Variants in CCNYL1 observed in about 807,000 individuals in gnomAD.
The protein encoded by CCNYL1 is cyclin Y like 1, also known as cyclin-Y-like protein 1.
A neutral mutation model predicts 44.2 loss-of-function variants in CCNYL1; 16 were observed. That is an observed-to-expected ratio of 0.36 (90% CI 0.25 to 0.55). The LOEUF is 0.55. Ranked by LOEUF, CCNYL1 falls within the 20% of genes least tolerant of loss-of-function variation. The pLI is 0.85. For synonymous variants in CCNYL1, 159 were observed against 163.2 expected (o/e 0.97, Z 0.20); for missense variants, 348 against 451.8 (o/e 0.77, Z 2.08).
chr2:207,721,143 A>T (rs2091637528), intron 1 of CCNYL1, among the ~76,000 whole-genome samples: 2 of 152,190 alleles, frequency 1.3e-5, no homozygotes, highest in Admixed American at 6.5e-5. Flanking sequence ...AGTGTGCAGT[A>T]TGGTAGAGCA....
chr2:207,731,382 G>GT (rs2105828001), intron 3 of CCNYL1, among the ~76,000 whole-genome samples: 1 of 152,236 alleles, frequency 6.6e-6, no homozygotes, highest in Admixed American at 6.5e-5. Flanking sequence ...AGTCTACTCA[G>GT]TACCCCTTCC....
chr2:207,756,151 T>G lies in CCNYL1; in HGVS notation c.*2453T>G, dbSNP rs1006713927. The stretch of plus-strand genomic sequence containing the variant: ...TATTTCTCATGTTTATATTAAAAGC[T>G]AATAAACTCTATTTTAATTAAAATA... On this transcript the variant is annotated 3_prime_UTR_variant, in exon 10 of 10. Transcript: ENST00000295414. The G allele has an allele frequency of 7.9e-5, 12 of 152,242 alleles. No individual in the cohort carries two copies. Among genetic ancestry groups the G allele is most frequent in the Non-Finnish European group, 1.6e-4 (11 of 68,042 alleles). The allele number at this position is 152,242 out of a possible 1,614,324, so 9.4% of individuals were successfully genotyped here. A position where few individuals can be genotyped will look rare whatever the true frequency, so the allele number is the denominator to read the frequency against.
chr2:207,737,270 A>G, intron 4 of CCNYL1, 141 bp from the exon 5 acceptor site: 1 of 654,554 alleles, frequency 1.5e-6, no homozygotes, highest in Non-Finnish European at 2.7e-6. Context: ...ACAAGGGGAA[A>G]GTACCCATAT....
At chr2:207,724,734 A>G (rs1275839142) in intron 1 of CCNYL1, 66 bp from the exon 2 acceptor site, 57 of 1,109,996 alleles carry the variant, frequency 5.1e-5, no homozygotes, top group Non-Finnish European at 7.6e-5. Flanking sequence ...ATGGATGTGT[A>G]TCTATTTCAG....
intron 1 of CCNYL1, among the ~76,000 whole-genome samples, chr2:207,720,818 G>A (rs1279553937): frequency 2.0e-5 from 3 of 152,286 alleles, no homozygotes; most frequent in African/African-American, 7.2e-5. Context: ...GCTCAGTCAC[G>A]ATCACTAAAA....
At chr2:207,729,279 CA>C (rs1559167579) in intron 3 of CCNYL1, among the ~76,000 whole-genome samples, 2 of 111,500 alleles carry the variant, frequency 1.8e-5, no homozygotes, top group African/African-American at 8.6e-5. Context: ...CCACCCCCCC[CA>C]CCCCCCCGCA....
chr2:207,723,797 TCCTGG>T (rs1394845684), intron 1 of CCNYL1, among the ~76,000 whole-genome samples: 1 of 144,784 alleles, frequency 6.9e-6, no homozygotes, highest in East Asian at 2.1e-4. Context: ...ATTGCTTGAA[TCCTGG>T]AGGCAGAGGT....
chr2:207,743,701 CA>C (rs1323919454), intron 7 of CCNYL1, among the ~76,000 whole-genome samples: 1 of 152,142 alleles, frequency 6.6e-6, no homozygotes. Flanking sequence ...AATAAAAGAA[CA>C]GAGATCAAGA....
chr2:207,752,729 G>T (rs1224327234), intron 9 of CCNYL1, among the ~76,000 whole-genome samples: 8 of 151,954 alleles, frequency 5.3e-5, no homozygotes, highest in Non-Finnish European at 7.4e-5. Context: ...GTATTTCTAG[G>T]CTGGGCTCAG....
At position 207,751,139 on chromosome 2, in the gene CCNYL1, A is replaced by G; in HGVS notation, c.969+20A>G. 1 of 1,599,404 alleles carries G rather than the reference A, an allele frequency of 6.3e-7. No homozygotes were observed. The highest frequency in any genetic ancestry group is 8.5e-7 in the Non-Finnish European group (1 of 1,172,912). ...CTAGAGGTAAGGCTATGAAGTCACT[A>G]AGTGAGGTTTTCCATCAGCCACCAA... On this transcript the variant is annotated intron_variant, in intron 9 of 9. Coordinates refer to ENST00000295414, the MANE Select transcript of CCNYL1 (RefSeq NM_001330218.2).
intron 7 of CCNYL1, among the ~76,000 whole-genome samples, chr2:207,742,619 G>A (rs2091819949): frequency 6.6e-6 from 1 of 152,194 alleles, no homozygotes; most frequent in African/African-American, 2.4e-5. Context: ...CACATTCAGT[G>A]TGTACACATA....
chr2:207,720,514 T>A (rs1009611769), intron 1 of CCNYL1, among the ~76,000 whole-genome samples: 3 of 152,026 alleles, frequency 2.0e-5, no homozygotes, highest in African/African-American at 7.2e-5. Flanking sequence ...GCTCAAGTTA[T>A]CCTGCCACTT....
intron 9 of CCNYL1, 64 bp from the exon 10 acceptor site, chr2:207,753,524 C>G (rs1322005013): frequency 9.4e-7 from 1 of 1,067,120 alleles, no homozygotes; most frequent in Non-Finnish European, 1.4e-6. Context: ...CACAATGGTG[C>G]TCTTTCAAAG....
intron 3 of CCNYL1, among the ~76,000 whole-genome samples, chr2:207,733,594 A>T (rs1420900826): frequency 2.0e-5 from 3 of 152,246 alleles, no homozygotes; most frequent in Non-Finnish European, 4.4e-5. Flanking sequence ...ATTTTACTGT[A>T]GTGAAGGAAT....
intron 3 of CCNYL1, among the ~76,000 whole-genome samples, chr2:207,729,999 C>G (rs1286094914): frequency 6.6e-6 from 1 of 152,062 alleles, no homozygotes; most frequent in Non-Finnish European, 1.5e-5. Flanking sequence ...AGGTGTGAGT[C>G]ACTGTGCCCT....
rs2105846221 is a variant in CCNYL1, at chr2:207,755,858, C to G, written c.*2160C>G. On this transcript the variant is annotated 3_prime_UTR_variant, in exon 10 of 10. Transcript: ENST00000295414. Reference sequence around the variant, plus strand: ...ATGTGAAATCTGTTTCTCCTACTTTCTCAAATCTAATCCTAGGAATCTTGC... The same window carrying G: ...ATGTGAAATCTGTTTCTCCTACTTTGTCAAATCTAATCCTAGGAATCTTGC... 6.6e-6 allele frequency: 1 copy of G among 152,312 alleles called. No homozygotes were observed. Among genetic ancestry groups the G allele is most frequent in the Non-Finnish European group, 1.5e-5 (1 of 68,018 alleles). The allele number at this position is 152,312 out of a possible 1,614,324, so 9.4% of individuals were successfully genotyped here.
intron 3 of CCNYL1, among the ~76,000 whole-genome samples, chr2:207,730,763 T>A (rs186629372): frequency 1.2e-3 from 184 of 152,088 alleles, no homozygotes; most frequent in African/African-American, 4.1e-3. Context: ...GTTTAAAAAA[T>A]AAATAAATAA....
chr2:207,735,316 G>A (rs115622520), intron 4 of CCNYL1, among the ~76,000 whole-genome samples: 1,599 of 152,268 alleles, frequency 0.011, 24 homozygotes, highest in African/African-American at 0.035. Flanking sequence ...TTACTAGTGC[G>A]TTATTCTCAT....
In CCNYL1 at chr2:207,744,576, G is replaced by T. The variant is rs191886880; in HGVS notation, c.639+2234G>T. Among the ~76,000 whole-genome samples the T allele has an allele frequency of 1.1e-3, 169 of 150,878 alleles. 2 individuals carry two copies. The highest frequency in any genetic ancestry group is 0.011 in the Admixed American group (168 of 15,148). On this transcript the variant is annotated intron_variant, in intron 7 of 9. Transcript: ENST00000295414. ...GTAGAGACCGGGCTTCGCCATGTTG[G>T]TCAGGCTAGTCTTGAACTCCCGACC...
Sources: gnomAD v4.1 joint callset for allele counts (sites outside exome capture counted in the v4.1 genomes callset) on GRCh38, gnomAD v4.1.1 for gene constraint, MANE v1.5 for transcripts, NCBI Gene and HGNC (gene_info 2026-07-23, HGNC 2026-07-21) for gene names.